Variants in ROCK1 observed in about 807,000 individuals in gnomAD.
The protein encoded by ROCK1 is rho-associated protein kinase 1.
Under a neutral mutation model 196.8 loss-of-function variants are expected in ROCK1, and 36 were observed. The observed-to-expected ratio is 0.18, with a 90% CI of 0.14 to 0.24. The LOEUF (loss-of-function observed/expected upper bound fraction) is 0.24. Ranked by LOEUF, ROCK1 falls within the 10% of genes least tolerant of loss-of-function variation. ROCK1 has a pLI of 1.00. For missense variants in ROCK1, 920 were observed against 1,562.0 expected, an observed-to-expected ratio of 0.59 and a Z score of 6.93; for synonymous variants, 443 against 515.9, an observed-to-expected ratio of 0.86 and a Z score of 1.91.
Position 20,962,626 on chromosome 18 carries a change from T to C in ROCK1, c.3353-2420A>G, listed in dbSNP as rs183403564. ...TCATTTCAGTGTTCCTTAGAAATTT[T>C]ATATATCAAGGGAATCTTATGAGTC... is the stretch of plus-strand genomic sequence containing the variant. On this transcript the variant is annotated intron_variant, in intron 27 of 32. Coordinates refer to ENST00000399799, the MANE Select transcript of ROCK1 (RefSeq NM_005406.3). Among the ~76,000 whole-genome samples the C allele has an allele frequency of 5.1e-3, 772 of 152,288 alleles. 5 individuals carry two copies. In the Middle Eastern group the frequency reaches 0.065, roughly 13 times the overall value.
chr18:21,016,137 G>A (rs2035861277), intron 12 of ROCK1, among the ~76,000 whole-genome samples: 1 of 152,120 alleles, frequency 6.6e-6, no homozygotes, highest in East Asian at 1.9e-4. Flanking sequence ...GATATTTAGA[G>A]ATAGCTGTAA....
Position 21,031,926 on chromosome 18 carries a change from C to T in ROCK1, c.1052-2991G>A, listed in dbSNP as rs191759491. ...TTGAAGATAGGACAAATGAAATTATCAAGTGTGAGGAACAGAAAGAAAAAG... is the reference window on the plus strand; with the variant it reads ...TTGAAGATAGGACAAATGAAATTATTAAGTGTGAGGAACAGAAAGAAAAAG... On this transcript the variant is annotated intron_variant, in intron 9 of 32. Transcript: ENST00000399799. Among the ~76,000 whole-genome samples, 517 of 152,110 alleles carry T rather than the reference C, an allele frequency of 3.4e-3. 2 individuals carry two copies. Among genetic ancestry groups the T allele is most frequent in the African/African-American group, 0.012 (499 of 41,514 alleles).
intron 29 of ROCK1, among the ~76,000 whole-genome samples, chr18:20,957,554 C>T (rs1206915556): frequency 2.0e-5 from 3 of 151,912 alleles, no homozygotes; most frequent in African/African-American, 7.3e-5. Flanking sequence ...AATCTTGGCT[C>T]ACCGCAACCT....
chr18:21,048,235 A>G (rs2036177321), intron 4 of ROCK1, among the ~76,000 whole-genome samples: 1 of 152,118 alleles, frequency 6.6e-6, no homozygotes, highest in African/African-American at 2.4e-5. Context: ...ACCTAAAACT[A>G]CTGACTTCTA....
At chr18:20,996,112 C>G (rs370380137) in intron 16 of ROCK1, among the ~76,000 whole-genome samples, 82 of 152,168 alleles carry the variant, frequency 5.4e-4, no homozygotes, top group African/African-American at 1.9e-3. Context: ...GATATAAGAC[C>G]TTTCAGACAG....
intron 16 of ROCK1, among the ~76,000 whole-genome samples, chr18:21,002,472 G>A (rs1370600320): frequency 1.3e-5 from 2 of 151,922 alleles, no homozygotes; most frequent in African/African-American, 4.8e-5. Flanking sequence ...AGGATGCCTG[G>A]GAAATAACTC....
chr18:21,008,131 G>T lies in ROCK1; in HGVS notation c.1474C>A (p.Gln492Lys). The T allele has an allele frequency of 6.3e-7, 1 of 1,596,610 alleles. No individual in the cohort carries two copies. The highest frequency in any genetic ancestry group is 2.3e-5 in the East Asian group (1 of 43,624). ...SQIEKEKMLL[Q>K]HRINEYQRKA... ...CTTTGGTACTCATTAATTCTATGCT[G>T]TAGCAACATTTTCTCCTTCTCAATC... The change falls in exon 14 of 33, where the codon CAG becomes AAG. Residue 492 changes from glutamine (Q) to lysine (K), a missense_variant. Gln to Lys is a moderately conservative substitution (Grantham distance 53). Transcript: ENST00000399799.
chr18:20,975,249 T>C (rs1055368730), intron 22 of ROCK1, among the ~76,000 whole-genome samples: 1 of 152,272 alleles, frequency 6.6e-6, no homozygotes, highest in East Asian at 1.9e-4. Flanking sequence ...AAAAAGCATA[T>C]TCAGGGAAGG....
chr18:21,102,546 G>C (rs1260998215), intron 1 of ROCK1, among the ~76,000 whole-genome samples: 3 of 152,144 alleles, frequency 2.0e-5, no homozygotes, highest in Non-Finnish European at 4.4e-5. Flanking sequence ...TAACAGAAAA[G>C]AGAAAAAGGA....
rs141747736 is a variant in ROCK1, at chr18:21,101,381, T to C, written c.93+9437A>G. The stretch of plus-strand genomic sequence containing the variant: ...ACAGAATGATCAACCTTAGCATCAC[T>C]ACAGGCCAGGCAGACATTATGCACC... On this transcript the variant is annotated intron_variant, in intron 1 of 32. Coordinates refer to ENST00000399799, the MANE Select transcript of ROCK1 (RefSeq NM_005406.3). 1.4e-3 allele frequency among the ~76,000 whole-genome samples: 209 copies of C among 152,310 alleles called. 1 individual carries two copies. The highest frequency in any genetic ancestry group is 4.8e-3 in the African/African-American group (199 of 41,556).
At chr18:21,034,258 C>T (rs1346507087) in intron 9 of ROCK1, among the ~76,000 whole-genome samples, 1 of 152,106 alleles carries the variant, frequency 6.6e-6, no homozygotes, top group Non-Finnish European at 1.5e-5. Flanking sequence ...CAATCTCCAT[C>T]AAAATCCCTA....
intron 22 of ROCK1, among the ~76,000 whole-genome samples, chr18:20,974,925 C>T (rs2035465515): frequency 6.6e-6 from 1 of 152,230 alleles, no homozygotes; most frequent in Non-Finnish European, 1.5e-5. Context: ...ACACTCTCCT[C>T]TAGCTACTGC....
intron 22 of ROCK1, among the ~76,000 whole-genome samples, chr18:20,978,078 C>T (rs983897929): frequency 2.6e-5 from 4 of 151,804 alleles, no homozygotes; most frequent in Admixed American, 6.6e-5. Flanking sequence ...ATAATCAACT[C>T]GATTAAGGCA....
intron 9 of ROCK1, among the ~76,000 whole-genome samples, chr18:21,031,110 C>A (rs1359078518): frequency 6.6e-6 from 1 of 152,068 alleles, no homozygotes; most frequent in Non-Finnish European, 1.5e-5. Flanking sequence ...GAATGAATGA[C>A]TGCAGCCCAC....
chr18:20,966,207 A>G (rs1304088307), intron 27 of ROCK1, among the ~76,000 whole-genome samples: 1 of 152,200 alleles, frequency 6.6e-6, no homozygotes, highest in African/African-American at 2.4e-5. Context: ...TTCTAAATTG[A>G]ACTTATAGTA....
intron 3 of ROCK1, 26 bp from the exon 4 acceptor site, chr18:21,049,255 T>C (rs750186753): frequency 7.3e-6 from 11 of 1,502,342 alleles, no homozygotes; most frequent in Non-Finnish European, 9.8e-6. Context: ...GGGAAAATAA[T>C]GAACCTTTTG....
At chr18:21,062,889 C>T (rs1206515996) in intron 2 of ROCK1, among the ~76,000 whole-genome samples, 2 of 152,070 alleles carry the variant, frequency 1.3e-5, no homozygotes, top group Non-Finnish European at 2.9e-5. Flanking sequence ...ATAACAAGTA[C>T]TTACTATGCT....
intron 13 of ROCK1, among the ~76,000 whole-genome samples, chr18:21,009,279 C>T (rs2035795876): frequency 6.8e-6 from 1 of 148,120 alleles, no homozygotes; most frequent in African/African-American, 2.5e-5. Context: ...TCCCAAAGTG[C>T]TGGGATTACA....
chr18:21,031,300 G>A (rs2036004110), intron 9 of ROCK1, among the ~76,000 whole-genome samples: 1 of 152,038 alleles, frequency 6.6e-6, no homozygotes. Context: ...CATTCACAGG[G>A]AATATAGAAA....
Sources: allele counts gnomAD v4.1 joint callset (sites outside exome capture counted in the v4.1 genomes callset), GRCh38; gene constraint gnomAD v4.1.1; transcripts MANE v1.5; gene names NCBI Gene and HGNC (gene_info 2026-07-23, HGNC 2026-07-21).